The following NEFH variants were observed in gnomAD, a reference collection of about 807,000 sequenced individuals.
NEFH encodes the protein neurofilament heavy polypeptide.
NEFH carries 58 observed loss-of-function variants against 56.6 expected under a neutral mutation model. The ratio of observed to expected loss-of-function variants is 1.03; its 90% CI spans 0.83 to 1.28. NEFH has a LOEUF of 1.28. NEFH is among the 50% of genes most tolerant of loss of function. The pLI is 0.00. For missense variants in NEFH, 1,221 were observed against 1,307.6 expected, an observed-to-expected ratio of 0.93 and a Z score of 1.02; for synonymous variants, 542 against 545.8, an observed-to-expected ratio of 0.99 and a Z score of 0.10.
rs12484008 is a variant in NEFH at position 29,485,472 on chromosome 22, A to G, written c.1084-251A>G. Reference sequence around the variant, plus strand: ...TTATCCTGCCAGCCAAACCAGCAGGAACAACTGTTGACATCTGATGAATTT... The same window carrying G: ...TTATCCTGCCAGCCAAACCAGCAGGGACAACTGTTGACATCTGATGAATTT... On this transcript the variant is annotated intron_variant, in intron 2 of 3. Transcript: ENST00000310624. 5.8e-3 allele frequency among the ~76,000 whole-genome samples: 888 copies of G among 152,346 alleles called. 1 individual carries two copies. Among genetic ancestry groups the G allele is most frequent in the Middle Eastern group, 0.014 (4 of 294 alleles).
Position 29,488,892 on chromosome 22 carries a change from A to G in NEFH, c.1252A>G (p.Ile418Val), listed in dbSNP as rs751075628. 32 of 1,614,082 alleles carry G rather than the reference A, an allele frequency of 2.0e-5. No homozygotes were observed. Among genetic ancestry groups the G allele is most frequent in the Non-Finnish European group, 2.7e-5 (32 of 1,180,038 alleles). Residue 418 changes from isoleucine (I) to valine (V), a missense_variant, in exon 4 of 4, where the codon ATT (isoleucine) becomes GTT (valine). Ile to Val is a conservative substitution (Grantham distance 29, BLOSUM62 3). Transcript: ENST00000310624. Reference sequence around the variant, plus strand: ...AGAGTGTCGGATTGGCTTTGGCCCAATTCCTTTCTCGCTTCCAGAAGGACT... The same window carrying G: ...AGAGTGTCGGATTGGCTTTGGCCCAGTTCCTTTCTCGCTTCCAGAAGGACT... ...GEECRIGFGP[I>V]PFSLPEGLPK...
chr22:29,490,881 G>A lies in NEFH; in HGVS notation c.*178G>A. 2 of 1,259,006 alleles carry A rather than the reference G, an allele frequency of 1.6e-6. No homozygotes were observed. Among genetic ancestry groups the A allele is most frequent in the East Asian group, 2.5e-5 (1 of 39,532 alleles). The allele number at this position is 1,259,006 out of a possible 1,614,324, so 78.0% of individuals were successfully genotyped here. On this transcript the variant is annotated 3_prime_UTR_variant, in exon 4 of 4. Coordinates refer to ENST00000310624, the MANE Select transcript of NEFH (RefSeq NM_021076.4). The stretch of plus-strand genomic sequence containing the variant: ...GTTAGCAATATGTTAGCAAGAGAGG[G>A]CACTCCCAGGCCCCTGCCCCCAGGC...
At position 29,480,245 on chromosome 22, in the gene NEFH, C is replaced by A; in HGVS notation, c.-18C>A. 1.3e-6 allele frequency: 2 copies of A among 1,497,822 alleles called. No individual in the cohort carries two copies. Among genetic ancestry groups the A allele is most frequent in the South Asian group, 2.5e-5 (2 of 79,822 alleles). 92.8% of individuals were successfully genotyped at this position (1,497,822 alleles called of 1,614,324 possible). ...AGTGCCTCCCGCCCCGTCCCGGCCT[C>A]GCGCACCTGCTCAGGCCATGATGAG... is the stretch of plus-strand genomic sequence containing the variant. On this transcript the variant is annotated 5_prime_UTR_variant, in exon 1 of 4. Coordinates refer to ENST00000310624, the MANE Select transcript of NEFH (RefSeq NM_021076.4).
Position 29,480,232 on chromosome 22 carries a change from C to T in NEFH, c.-31C>T, listed in dbSNP as rs2146390301. On this transcript the variant is annotated 5_prime_UTR_variant, in exon 1 of 4. Transcript: ENST00000310624. ...CTGGTGCTGCCGCAGTGCCTCCCGC[C>T]CCGTCCCGGCCTCGCGCACCTGCTC... The T allele has an allele frequency of 1.3e-6, 2 of 1,494,224 alleles. No homozygotes were observed. Among genetic ancestry groups the T allele is most frequent in the East Asian group, 5.6e-5 (2 of 35,996 alleles). 92.6% of individuals were successfully genotyped at this position (1,494,224 alleles called of 1,614,324 possible). A position where few individuals can be genotyped will look rare whatever the true frequency, so the allele number is the denominator to read the frequency against.
At chr22:29,484,841 T>C (rs913448546) in intron 2 of NEFH, among the ~76,000 whole-genome samples, 1 of 151,662 alleles carries the variant, frequency 6.6e-6, no homozygotes, top group Non-Finnish European at 1.5e-5. Flanking sequence ...GGTTTTTTTT[T>C]TTTTCTTTTT....
chr22:29,484,811 G>A (rs1010587199), intron 2 of NEFH, among the ~76,000 whole-genome samples: 13 of 151,752 alleles, frequency 8.6e-5, no homozygotes, highest in African/African-American at 1.5e-4. Context: ...GCAAAAGCAG[G>A]CAAGGCCCTG....
At position 29,489,761 on chromosome 22, in the gene NEFH, G is replaced by A. The variant is rs563515504; in HGVS notation, c.2121G>A (p.Lys707=). Residue 707 remains lysine, a synonymous_variant, in exon 4 of 4, where the codon AAG becomes AAA. Transcript: ENST00000310624. ...AGGAAGAAGCAAAGTCCCCTGAGAAGGCCAAGTCCCCAGTGAAGGAAGAAG... is the reference window on the plus strand; with the variant it reads ...AGGAAGAAGCAAAGTCCCCTGAGAAAGCCAAGTCCCCAGTGAAGGAAGAAG... ...PVKEEAKSPE[K]AKSPVKEEAK... The A allele has an allele frequency of 6.2e-6, 10 of 1,611,350 alleles. No homozygotes were observed. The East Asian group carries it at 2.2e-4, about 36-fold the overall frequency.
rs2063079435 is a variant in NEFH, at chr22:29,491,142, T to C, written c.*439T>C. 3.1e-6 allele frequency: 1 copy of C among 324,124 alleles called. No homozygotes were observed. Among genetic ancestry groups the C allele is most frequent in the African/African-American group, 2.2e-5 (1 of 46,412 alleles). 20.1% of individuals were successfully genotyped at this position (324,124 alleles called of 1,614,324 possible). On this transcript the variant is annotated 3_prime_UTR_variant, in exon 4 of 4. Transcript: ENST00000310624. ...TGCCTTCTGTTTTCCAAAGGAGTGG[T>C]CAAGCCCTTGCCCAGAGCTCTCTAT... is the stretch of plus-strand genomic sequence containing the variant.
rs2063025993 is a variant in NEFH at position 29,483,611 on chromosome 22, C to A, written c.1083+37C>A. 3.1e-6 allele frequency: 5 copies of A among 1,603,692 alleles called. No homozygotes were observed. The South Asian group carries it at 4.4e-5, about 14-fold the overall frequency. On this transcript the variant is annotated intron_variant, in intron 2 of 3. Coordinates refer to ENST00000310624, the MANE Select transcript of NEFH (RefSeq NM_021076.4). ...CAAGGCAGACAGCCAGACTGCCTTA[C>A]CTGATTGGGTAGCCCTGGACAAGTT...
intron 2 of NEFH, among the ~76,000 whole-genome samples, chr22:29,484,173 A>G (rs2063030281): frequency 6.6e-6 from 1 of 152,078 alleles, no homozygotes; most frequent in Non-Finnish European, 1.5e-5. Flanking sequence ...TTTAAATGAG[A>G]TTAGTGTGAA....
In NEFH at chr22:29,490,235, CAAG is replaced by C. The variant is rs764190195; in HGVS notation, c.2599_2601del (p.Lys867del). 6 of 1,610,740 alleles carry C rather than the reference CAAG, an allele frequency of 3.7e-6. No homozygotes were observed. The Admixed American group carries it at 5.1e-5, about 14-fold the overall frequency. On this transcript the variant is annotated inframe_deletion, in exon 4 of 4. Coordinates refer to ENST00000310624, the MANE Select transcript of NEFH (RefSeq NM_021076.4). ...AGGACAGCAAGAAAGAGGAGGCACCCAAGAAGGAGGCTCCAAAGCCCAAGGTGG... is the reference window on the plus strand; with the variant it reads ...AGGACAGCAAGAAAGAGGAGGCACCCAAGGAGGCTCCAAAGCCCAAGGTGG...
Position 29,491,238 on chromosome 22 carries a change from G to T in NEFH, c.*535G>T, listed in dbSNP as rs772755733. On this transcript the variant is annotated 3_prime_UTR_variant, in exon 4 of 4. Coordinates refer to ENST00000310624, the MANE Select transcript of NEFH (RefSeq NM_021076.4). ...ATGCCAGGGCGCACTTTCCACTGGAGTTCACTTTCAATTGCTTCTGTGCAA... is the reference window on the plus strand; with the variant it reads ...ATGCCAGGGCGCACTTTCCACTGGATTTCACTTTCAATTGCTTCTGTGCAA... 1.1e-4 allele frequency: 23 copies of T among 204,254 alleles called. No homozygotes were observed. The highest frequency in any genetic ancestry group is 2.1e-4 in the Non-Finnish European group (21 of 99,508). 12.7% of individuals were successfully genotyped at this position (204,254 alleles called of 1,614,324 possible). A position where few individuals can be genotyped will look rare whatever the true frequency, so the allele number is the denominator to read the frequency against.
In NEFH at chr22:29,488,883, T is replaced by C; in HGVS notation, c.1243T>C (p.Phe415Leu). 6.2e-7 allele frequency: 1 copy of C among 1,614,142 alleles called. No individual in the cohort carries two copies. The highest frequency in any genetic ancestry group is 1.1e-5 in the South Asian group (1 of 91,076). The change falls in exon 4 of 4, where the codon TTT (phenylalanine) becomes CTT (leucine). Residue 415 changes from phenylalanine to leucine, a missense_variant. Coordinates refer to ENST00000310624, the MANE Select transcript of NEFH (RefSeq NM_021076.4). ...GGAAGGTGAAGAGTGTCGGATTGGC[T>C]TTGGCCCAATTCCTTTCTCGCTTCC... ...LLEGEECRIGFGPIPFSLPEG... is the reference protein window; with the variant it reads ...LLEGEECRIGLGPIPFSLPEG...
chr22:29,490,555 A>C lies in NEFH; in HGVS notation c.2915A>C (p.Glu972Ala). 1 of 1,612,620 alleles carries C rather than the reference A, an allele frequency of 6.2e-7. No individual in the cohort carries two copies. The highest frequency in any genetic ancestry group is 8.5e-7 in the Non-Finnish European group (1 of 1,179,654). Residue 972 changes from glutamate (E) to alanine (A), a missense_variant, in exon 4 of 4, where the codon GAG becomes GCG. Glu to Ala is a moderately radical substitution (Grantham distance 107). Around this residue, in one of 4 missense-constraint regions of NEFH, gnomAD observed 301 missense variants for 346.6 expected, o/e 0.87. Coordinates refer to ENST00000310624, the MANE Select transcript of NEFH (RefSeq NM_021076.4). ...AKKPEEKPKT[E>A]AKAKEDDKTL... Reference sequence around the variant, plus strand: ...AAGCCTGAGGAGAAACCCAAGACAGAGGCCAAAGCCAAGGAAGATGACAAG... The same window carrying C: ...AAGCCTGAGGAGAAACCCAAGACAGCGGCCAAAGCCAAGGAAGATGACAAG...
In NEFH at chr22:29,483,286, A is replaced by AG. The variant is rs1389857920; in HGVS notation, c.884-89_884-88insG. ...AGCGAGAATCCGTCTCAAAAAAAAA[A>AG]AAAAAGAAAAAGAACAAAGAAAAAA... On this transcript the variant is annotated intron_variant, in intron 1 of 3. Coordinates refer to ENST00000310624, the MANE Select transcript of NEFH (RefSeq NM_021076.4). 1.5e-5 allele frequency: 20 copies of AG among 1,306,686 alleles called. No homozygotes were observed. In the East Asian group the frequency reaches 2.8e-4, roughly 18 times the overall value. The allele number at this position is 1,306,686 out of a possible 1,614,324, so 80.9% of individuals were successfully genotyped here.
chr22:29,481,293 A>C, intron 1 of NEFH, 148 bp downstream of exon 1: 1 of 784,644 alleles, frequency 1.3e-6, no homozygotes. Flanking sequence ...CCCCTAGTTA[A>C]ATCGCAGTTT....
In NEFH at chr22:29,480,298, C is replaced by A. The variant is rs768969651; in HGVS notation, c.36C>A (p.Gly12=). 4.6e-6 allele frequency: 7 copies of A among 1,507,272 alleles called. No homozygotes were observed. The Admixed American group carries it at 6.5e-5, about 14-fold the overall frequency. 93.4% of individuals were successfully genotyped at this position (1,507,272 alleles called of 1,614,324 possible). Residue 12 remains glycine (G), a synonymous_variant, in exon 1 of 4, where the codon GGC becomes GGA. Coordinates refer to ENST00000310624, the MANE Select transcript of NEFH (RefSeq NM_021076.4). ...MSFGGADALL[G]APFAPLHGGG... ...TCGGCGGCGCGGACGCGCTGCTGGG[C>A]GCCCCGTTCGCGCCGCTGCATGGCG...
At chr22:29,487,395 C>T (rs181532533) in intron 3 of NEFH, among the ~76,000 whole-genome samples, 332 of 151,842 alleles carry the variant, frequency 2.2e-3, no homozygotes, top group Middle Eastern at 0.02. Flanking sequence ...CTTTGGGAGA[C>T]CAAGGCAGAC....
In NEFH at chr22:29,489,877, C is replaced by T. The variant is rs995261564; in HGVS notation, c.2237C>T (p.Ser746Phe). 6 of 1,576,996 alleles carry T rather than the reference C, an allele frequency of 3.8e-6. No homozygotes were observed. Among genetic ancestry groups the T allele is most frequent in the East Asian group, 3.0e-5 (1 of 32,828 alleles). The change falls in exon 4 of 4, where the codon TCC becomes TTC. Residue 746 changes from serine to phenylalanine, a missense_variant. Around this residue, in one of 4 missense-constraint regions of NEFH, gnomAD observed 301 missense variants for 346.6 expected, o/e 0.87. Coordinates refer to ENST00000310624, the MANE Select transcript of NEFH (RefSeq NM_021076.4). ...TCCCCAGTGAAGGAAGAAGCTAAGT[C>T]CCCAGAGAAGGCCAAGTCCCCAGAG... ...AKSPVKEEAK[S>F]PEKAKSPEKA...
Sources: gnomAD v4.1 joint callset for allele counts (sites outside exome capture counted in the v4.1 genomes callset) on GRCh38, gnomAD v4.1.1 for gene constraint, gnomAD v4.1.1 regional missense constraint, MANE v1.5 for transcripts, NCBI Gene and HGNC (gene_info 2026-07-23, HGNC 2026-07-21) for gene names.